SNTG1: variants seen among roughly 807,000 people sequenced by gnomAD.
SNTG1 encodes the protein syntrophin gamma 1.
In SNTG1, 39 loss-of-function variants were observed where a neutral mutation model predicts 74.7. That is an observed-to-expected ratio of 0.52 (90% CI 0.40 to 0.68). The LOEUF (loss-of-function observed/expected upper bound fraction) is 0.68. Ranked by LOEUF, SNTG1 falls within the 30% of genes least tolerant of loss-of-function variation. The pLI is 0.00. For synonymous variants in SNTG1, 254 were observed against 217.1 expected, an observed-to-expected ratio of 1.17 and a Z score of -1.49; for missense variants, 685 against 609.5, an observed-to-expected ratio of 1.12 and a Z score of -1.30.
At position 50,010,385 on chromosome 8, in the gene SNTG1, T is replaced by C. The variant is rs528889407; in HGVS notation, c.-103+98154T>C. Among the ~76,000 whole-genome samples, 375 of 152,270 alleles carry C rather than the reference T, an allele frequency of 2.5e-3. 1 individual carries two copies. Among genetic ancestry groups the C allele is most frequent in the African/African-American group, 8.5e-3 (352 of 41,558 alleles). The stretch of plus-strand genomic sequence containing the variant: ...TAATTACACAGTTAGGAAGGAGTGC[T>C]CTTTGACAATTTAATAATTTTAACA... On this transcript the variant is annotated intron_variant, in intron 1 of 18. Coordinates refer to ENST00000642720, the MANE Select transcript of SNTG1 (RefSeq NM_018967.5).
intron 17 of SNTG1, among the ~76,000 whole-genome samples, chr8:50,740,060 G>A (rs929540730): frequency 6.6e-6 from 1 of 151,926 alleles, no homozygotes; most frequent in Admixed American, 6.6e-5. Context: ...ACATAGGACT[G>A]GGCAAAGATT....
intron 2 of SNTG1, among the ~76,000 whole-genome samples, chr8:50,248,987 C>T (rs902321615): frequency 2.6e-5 from 4 of 152,228 alleles, no homozygotes; most frequent in African/African-American, 9.6e-5. Flanking sequence ...ATCAAAATTC[C>T]TGTGGAGCAT....
Position 50,684,665 on chromosome 8 carries a change from A to G in SNTG1, c.1039-19935A>G, listed in dbSNP as rs1030970703. Among the ~76,000 whole-genome samples the G allele has an allele frequency of 6.6e-5, 10 of 152,066 alleles. No individual in the cohort carries two copies. In the East Asian group the frequency reaches 1.9e-3, roughly 29 times the overall value. ...TCTATCCATATTTTAAGAAATTATC[A>G]TATAAAAAAGTATTTTCCCTTTGAA... On this transcript the variant is annotated intron_variant, in intron 15 of 18. Coordinates refer to ENST00000642720, the MANE Select transcript of SNTG1 (RefSeq NM_018967.5).
chr8:49,982,255 A>G (rs1021987809), intron 1 of SNTG1, among the ~76,000 whole-genome samples: 24 of 152,120 alleles, frequency 1.6e-4, no homozygotes, highest in African/African-American at 5.3e-4. Context: ...TCTCAGTGGT[A>G]TGCAACTGCT....
chr8:50,314,095 A>G (rs1003631483), intron 2 of SNTG1, among the ~76,000 whole-genome samples: 1 of 149,758 alleles, frequency 6.7e-6, no homozygotes, highest in Non-Finnish European at 1.5e-5. Flanking sequence ...GTACACCCAC[A>G]GCCATGAGCT....
chr8:50,503,951 G>GT (rs1392365875), intron 9 of SNTG1, among the ~76,000 whole-genome samples: 1 of 152,106 alleles, frequency 6.6e-6, no homozygotes, highest in Non-Finnish European at 1.5e-5. Context: ...ATTGAAATTA[G>GT]TACCCATTAG....
At chr8:50,048,669 T>G (rs1478553777) in intron 1 of SNTG1, among the ~76,000 whole-genome samples, 2 of 152,150 alleles carry the variant, frequency 1.3e-5, no homozygotes. Flanking sequence ...ATTAGTTCTG[T>G]TTTGTAGAAT....
intron 18 of SNTG1, among the ~76,000 whole-genome samples, chr8:50,778,520 C>T (rs555609990): frequency 1.9e-3 from 295 of 152,136 alleles, no homozygotes; most frequent in African/African-American, 6.9e-3. Flanking sequence ...AGTGTCTGTT[C>T]ATGTCCTTCA....
At chr8:50,686,048 A>G (rs1585525576) in intron 15 of SNTG1, among the ~76,000 whole-genome samples, 1 of 152,276 alleles carries the variant, frequency 6.6e-6, no homozygotes, top group East Asian at 1.9e-4. Context: ...GTCTATTTCA[A>G]TTATGGTAAA....
At chr8:50,064,414 G>C (rs571159870) in intron 1 of SNTG1, among the ~76,000 whole-genome samples, 6 of 151,826 alleles carry the variant, frequency 4.0e-5, no homozygotes, top group Non-Finnish European at 8.8e-5. Context: ...TACCTTGATG[G>C]CTCCCACCAT....
chr8:50,669,844 T>C (rs1425090066), intron 15 of SNTG1, among the ~76,000 whole-genome samples: 5 of 152,124 alleles, frequency 3.3e-5, no homozygotes, highest in Non-Finnish European at 7.4e-5. Context: ...TTATCCACCA[T>C]GATCAAGTGG....
chr8:50,099,611 C>T (rs1348827375), intron 1 of SNTG1, among the ~76,000 whole-genome samples: 1 of 152,082 alleles, frequency 6.6e-6, no homozygotes, highest in Non-Finnish European at 1.5e-5. Context: ...TTCCCTTCAA[C>T]AGTGTATGAG....
At chr8:50,070,188 G>A (rs1474070286) in intron 1 of SNTG1, among the ~76,000 whole-genome samples, 1 of 151,992 alleles carries the variant, frequency 6.6e-6, no homozygotes, top group Non-Finnish European at 1.5e-5. Flanking sequence ...GTTCACTGGG[G>A]AATATTAAAA....
At chr8:50,626,915 C>T (rs2094960219) in intron 13 of SNTG1, among the ~76,000 whole-genome samples, 2 of 152,036 alleles carry the variant, frequency 1.3e-5, no homozygotes, top group South Asian at 2.1e-4. Flanking sequence ...TATGTTTTAT[C>T]TTTTTGAGTC....
intron 8 of SNTG1, among the ~76,000 whole-genome samples, chr8:50,468,603 G>A (rs146677397): frequency 6.6e-6 from 1 of 152,174 alleles, no homozygotes; most frequent in East Asian, 1.9e-4. Context: ...TCTTTTGGTT[G>A]CAATATTTAT....
chr8:50,196,852 T>A (rs1057510046), intron 2 of SNTG1, among the ~76,000 whole-genome samples: 1 of 150,680 alleles, frequency 6.6e-6, no homozygotes, highest in East Asian at 1.9e-4. Flanking sequence ...CATAGTGATG[T>A]GCACCTGTAA....
At chr8:50,389,215 A>C (rs2092620243) in intron 2 of SNTG1, among the ~76,000 whole-genome samples, 1 of 152,206 alleles carries the variant, frequency 6.6e-6, no homozygotes, top group Non-Finnish European at 1.5e-5. Flanking sequence ...GAATGAACGT[A>C]AAATAAACTA....
chr8:50,536,609 G>A, intron 10 of SNTG1, 69 bp from the exon 11 acceptor site: 6 of 1,546,404 alleles, frequency 3.9e-6, no homozygotes, highest in Non-Finnish European at 5.3e-6. Flanking sequence ...CCAGATAAAA[G>A]GGGTTTGAGA....
chr8:50,789,296 C>A (rs1381148923), intron 18 of SNTG1, among the ~76,000 whole-genome samples: 1 of 151,970 alleles, frequency 6.6e-6, no homozygotes, highest in Non-Finnish European at 1.5e-5. Flanking sequence ...CACTCACTTT[C>A]TTGGCAACTA....
Sources: gnomAD v4.1 joint callset for allele counts (sites outside exome capture counted in the v4.1 genomes callset) on GRCh38, gnomAD v4.1.1 for gene constraint, MANE v1.5 for transcripts, NCBI Gene and HGNC (gene_info 2026-07-23, HGNC 2026-07-21) for gene names.